The following TLE4 variants were observed in gnomAD, a reference collection of about 807,000 sequenced individuals.
The protein encoded by TLE4 is transducin-like enhancer protein 4.
In TLE4, 8 loss-of-function variants were observed where a neutral mutation model predicts 92.8. The ratio of observed to expected loss-of-function variants is 0.09; its 90% CI spans 0.05 to 0.16. TLE4 has a LOEUF of 0.16. Among genes scored for constraint, TLE4 ranks in the 10% least tolerant of loss-of-function variants. The pLI is 1.00. For synonymous variants in TLE4, 371 were observed against 374.1 expected (o/e 0.99, Z 0.10); for missense variants, 675 against 997.6 (o/e 0.68, Z 4.36).
At chr9:79,668,338 A>AT (rs2061731072) in intron 8 of TLE4, among the ~76,000 whole-genome samples, 1 of 152,212 alleles carries the variant, frequency 6.6e-6, no homozygotes, top group Non-Finnish European at 1.5e-5. Flanking sequence ...AAGTGGTGAG[A>AT]TGCCAGGAGG....
intron 6 of TLE4, among the ~76,000 whole-genome samples, chr9:79,629,197 G>C (rs2133604769): frequency 6.6e-6 from 1 of 152,096 alleles, no homozygotes; most frequent in South Asian, 2.1e-4. Context: ...AAAACAGAAT[G>C]GATTATTATT....
At chr9:79,689,866 G>A (rs1017264325) in intron 8 of TLE4, among the ~76,000 whole-genome samples, 6 of 152,096 alleles carry the variant, frequency 3.9e-5, no homozygotes, top group African/African-American at 1.4e-4. Flanking sequence ...AGAATCACCT[G>A]GGAGCTTTTA....
At position 79,651,370 on chromosome 9, in the gene TLE4, G is replaced by A. The variant is rs371751525; in HGVS notation, c.391-1223G>A. On this transcript the variant is annotated intron_variant, in intron 6 of 19. Coordinates refer to ENST00000376552, the MANE Select transcript of TLE4 (RefSeq NM_007005.6). ...GAAGAGGCAGCAAGGCTTGCCCACC[G>A]CGGTTCCTGTAGCAGAGTTTGACGC... 8.1e-4 allele frequency among the ~76,000 whole-genome samples: 124 copies of A among 152,172 alleles called. No homozygotes were observed. The Middle Eastern group carries it at 0.02, about 25-fold the overall frequency.
chr9:79,602,076 C>T (rs1331604778), intron 4 of TLE4, among the ~76,000 whole-genome samples: 1 of 152,222 alleles, frequency 6.6e-6, no homozygotes, highest in African/African-American at 2.4e-5. Context: ...AAACCCCTCA[C>T]TCTCTTCAAT....
At chr9:79,620,344 G>T (rs1486261347) in intron 5 of TLE4, among the ~76,000 whole-genome samples, 2 of 152,194 alleles carry the variant, frequency 1.3e-5, no homozygotes, top group African/African-American at 4.8e-5. Flanking sequence ...GCTAGTGGCT[G>T]TCATATTATT....
chr9:79,641,730 C>G (rs1384902427), intron 6 of TLE4, among the ~76,000 whole-genome samples: 1 of 152,134 alleles, frequency 6.6e-6, no homozygotes, highest in Non-Finnish European at 1.5e-5. Context: ...TTACCCCTTC[C>G]ACCCTAGTTG....
At position 79,643,610 on chromosome 9, in the gene TLE4, CTGTT is replaced by C. The variant is rs533448853; in HGVS notation, c.391-8977_391-8974del. On this transcript the variant is annotated intron_variant, in intron 6 of 19. Transcript: ENST00000376552. Reference sequence around the variant, plus strand: ...GGAATCTTCCACAGTCTACATTTGTCTGTTTGTTTCTGATTGTTTTCTCAAGTTT... The same window carrying C: ...GGAATCTTCCACAGTCTACATTTGTCTGTTTCTGATTGTTTTCTCAAGTTT... Among the ~76,000 whole-genome samples the C allele has an allele frequency of 2.6e-3, 389 of 152,160 alleles. 1 individual carries two copies. Among genetic ancestry groups the C allele is most frequent in the Admixed American group, 6.6e-3 (101 of 15,292 alleles).
chr9:79,720,097 C>G lies in TLE4; in HGVS notation c.1642C>G (p.Leu548Val). ...SCRLLPDGRT[L>V]IVGGEASTLS... ...CAGATTGCTCCCTGATGGTCGCACC[C>G]TAATTGTTGGAGGGGAAGCCAGTAC... The change falls in exon 16 of 20, where the codon CTA becomes GTA. Residue 548 changes from leucine (L) to valine (V), a missense_variant. Coordinates refer to ENST00000376552, the MANE Select transcript of TLE4 (RefSeq NM_007005.6). The G allele has an allele frequency of 6.2e-7, 1 of 1,614,070 alleles. No homozygotes were observed. The highest frequency in any genetic ancestry group is 8.5e-7 in the Non-Finnish European group (1 of 1,179,964).
rs941785280 is a variant in TLE4 at position 79,722,245 on chromosome 9, A to G, written c.1987-206A>G. On this transcript the variant is annotated intron_variant, in intron 17 of 19. Coordinates refer to ENST00000376552, the MANE Select transcript of TLE4 (RefSeq NM_007005.6). ...GAAGAGGCAGTTCACTTACCGTGTGATGATGTCACTTTTGACTCTGGATTA... is the reference window on the plus strand; with the variant it reads ...GAAGAGGCAGTTCACTTACCGTGTGGTGATGTCACTTTTGACTCTGGATTA... Among the ~76,000 whole-genome samples, 4 of 152,352 alleles carry G rather than the reference A, an allele frequency of 2.6e-5. No homozygotes were observed. In the South Asian group the frequency reaches 8.3e-4, roughly 32 times the overall value.
At position 79,572,855 on chromosome 9, in the gene TLE4, C is replaced by T. The variant is rs370494729; in HGVS notation, c.45+20C>T. 21 of 1,592,372 alleles carry T rather than the reference C, an allele frequency of 1.3e-5. No homozygotes were observed. Among genetic ancestry groups the T allele is most frequent in the African/African-American group, 1.2e-4 (9 of 72,442 alleles). On this transcript the variant is annotated intron_variant, in intron 1 of 19. Transcript: ENST00000376552. Reference sequence around the variant, plus strand: ...CACCCAGTGAGTGCGGGCGGCGGGGCGCGGGCTCGCCGGGTGCTGGGGGAT... The same window carrying T: ...CACCCAGTGAGTGCGGGCGGCGGGGTGCGGGCTCGCCGGGTGCTGGGGGAT...
intron 6 of TLE4, among the ~76,000 whole-genome samples, chr9:79,629,254 A>C (rs943413346): frequency 2.0e-5 from 3 of 151,790 alleles, no homozygotes; most frequent in Non-Finnish European, 4.4e-5. Context: ...TACAGTGGAG[A>C]GATTAAGCTA....
intron 14 of TLE4, 118 bp from the exon 15 acceptor site, chr9:79,718,603 AT>A: frequency 7.2e-7 from 1 of 1,389,432 alleles, no homozygotes; most frequent in Non-Finnish European, 9.6e-7. Context: ...GACAAATTCG[AT>A]TTGTTCGTAA....
rs1297995439 is a variant in TLE4 at position 79,708,171 on chromosome 9, T to A, written c.990T>A (p.Thr330=). The stretch of plus-strand genomic sequence containing the variant: ...AGTCCAATACCCCTACTCCACGAAC[T>A]GATGCGCCCACCCCAGGCAGTAACT... ...VSKSNTPTPR[T]DAPTPGSNST... is the part of the protein sequence containing the mutation. The change falls in exon 12 of 20, where the codon ACT becomes ACA. Residue 330 remains threonine, a synonymous_variant. Coordinates refer to ENST00000376552, the MANE Select transcript of TLE4 (RefSeq NM_007005.6). 3 of 1,614,160 alleles carry A rather than the reference T, an allele frequency of 1.9e-6. No homozygotes were observed. The highest frequency in any genetic ancestry group is 2.5e-6 in the Non-Finnish European group (3 of 1,179,994).
At chr9:79,714,587 C>T (rs545698803) in intron 14 of TLE4, among the ~76,000 whole-genome samples, 2 of 152,248 alleles carry the variant, frequency 1.3e-5, no homozygotes, top group South Asian at 2.1e-4. Context: ...TCTCTATTAC[C>T]ATGTCTGTCT....
intron 4 of TLE4, among the ~76,000 whole-genome samples, chr9:79,584,301 G>T (rs1247038996): frequency 6.6e-6 from 1 of 152,178 alleles, no homozygotes; most frequent in Non-Finnish European, 1.5e-5. Flanking sequence ...GTTTGTGTTT[G>T]AGGACAGCTC....
At chr9:79,590,361 T>C (rs2042248176) in intron 4 of TLE4, among the ~76,000 whole-genome samples, 1 of 152,212 alleles carries the variant, frequency 6.6e-6, no homozygotes, top group African/African-American at 2.4e-5. Flanking sequence ...GTTCTGGGCA[T>C]GGGGAGGTAA....
intron 6 of TLE4, among the ~76,000 whole-genome samples, chr9:79,631,942 C>G (rs1489111402): frequency 1.3e-5 from 2 of 152,072 alleles, no homozygotes; most frequent in African/African-American, 4.8e-5. Flanking sequence ...GATACATGGC[C>G]TCCAGTAACA....
chr9:79,686,515 C>T (rs1258631517), intron 8 of TLE4, among the ~76,000 whole-genome samples: 3 of 152,124 alleles, frequency 2.0e-5, no homozygotes, highest in Non-Finnish European at 4.4e-5. Flanking sequence ...CAAGTTGGCC[C>T]TGCATCCAGT....
At chr9:79,676,952 T>A (rs1046126038) in intron 8 of TLE4, among the ~76,000 whole-genome samples, 9 of 152,146 alleles carry the variant, frequency 5.9e-5, no homozygotes, top group African/African-American at 2.2e-4. Context: ...TTCATGTGTT[T>A]GAAGATGCAT....
Sources: allele counts gnomAD v4.1 joint callset (sites outside exome capture counted in the v4.1 genomes callset), GRCh38; gene constraint gnomAD v4.1.1; transcripts MANE v1.5; gene names NCBI Gene and HGNC (gene_info 2026-07-23, HGNC 2026-07-21).